Variants in PAX5 observed in about 807,000 individuals in gnomAD.
PAX5 encodes paired box 5.
PAX5 carries 9 observed loss-of-function variants against 43.7 expected under a neutral mutation model. That is an observed-to-expected ratio of 0.21 (90% CI 0.12 to 0.36). The LOEUF is 0.36. PAX5 is among the 10% of genes least tolerant of loss of function. The pLI, the probability that PAX5 is intolerant of heterozygous loss-of-function variation, is 1.00. For missense variants in PAX5, 383 were observed against 532.7 expected, an observed-to-expected ratio of 0.72 and a Z score of 2.77; for synonymous variants, 228 against 214.3, an observed-to-expected ratio of 1.06 and a Z score of -0.56.
intron 2 of PAX5, among the ~76,000 whole-genome samples, chr9:37,016,913 G>T (rs993656107): frequency 1.3e-5 from 2 of 152,150 alleles, no homozygotes; most frequent in African/African-American, 4.8e-5. Context: ...ATGTGAAAGT[G>T]AAATGTCTGT....
In PAX5 at chr9:36,840,515, C is replaced by T; in HGVS notation, c.*45G>A. The T allele has an allele frequency of 6.5e-7, 1 of 1,550,268 alleles. No homozygotes were observed. Among genetic ancestry groups the T allele is most frequent in the Non-Finnish European group, 8.7e-7 (1 of 1,144,326 alleles). On this transcript the variant is annotated 3_prime_UTR_variant, in exon 10 of 10. Transcript: ENST00000358127. ...TCAGGAGGGCTGGGTGGCTGTCACC[C>T]TCAATAGGTGCCATCAGTGTTTGGT... is the stretch of plus-strand genomic sequence containing the variant.
intron 5 of PAX5, among the ~76,000 whole-genome samples, chr9:37,000,304 G>A (rs904891381): frequency 6.6e-6 from 1 of 152,286 alleles, no homozygotes; most frequent in South Asian, 2.1e-4. Context: ...GGGAGGCTCT[G>A]GTTGATTGGG....
chr9:36,990,757 T>G (rs1836863250), intron 5 of PAX5, among the ~76,000 whole-genome samples: 2 of 152,246 alleles, frequency 1.3e-5, no homozygotes, highest in South Asian at 4.1e-4. Flanking sequence ...TGGTGACATG[T>G]AGAGGCACAA....
chr9:36,964,834 C>T (rs1301761788), intron 6 of PAX5, among the ~76,000 whole-genome samples: 1 of 152,100 alleles, frequency 6.6e-6, no homozygotes, highest in Non-Finnish European at 1.5e-5. Flanking sequence ...ATGCCCAGCA[C>T]CATAACCATG....
intron 8 of PAX5, among the ~76,000 whole-genome samples, chr9:36,856,041 T>C (rs1407119771): frequency 6.6e-6 from 1 of 152,186 alleles, no homozygotes; most frequent in Non-Finnish European, 1.5e-5. Flanking sequence ...CTGTCTTGTT[T>C]CCCCTGCTGT....
intron 7 of PAX5, among the ~76,000 whole-genome samples, chr9:36,891,920 T>G (rs1402344594): frequency 6.6e-6 from 1 of 152,184 alleles, no homozygotes; most frequent in Non-Finnish European, 1.5e-5. Context: ...TTCCTCTGAA[T>G]TGACCGCACC....
chr9:37,027,443 G>T (rs1840513329), intron 1 of PAX5, among the ~76,000 whole-genome samples: 1 of 152,226 alleles, frequency 6.6e-6, no homozygotes, highest in Non-Finnish European at 1.5e-5. Flanking sequence ...TCCCTCGTGG[G>T]TCTGATTCCA....
At chr9:36,861,868 T>A (rs73648152) in intron 8 of PAX5, among the ~76,000 whole-genome samples, 1,535 of 152,192 alleles carry the variant, frequency 0.01, 27 homozygotes, top group African/African-American at 0.035. Context: ...CACGTTGTTG[T>A]GAATAGACTA....
At chr9:37,026,126 C>T (rs1290627854) in intron 1 of PAX5, among the ~76,000 whole-genome samples, 1 of 152,252 alleles carries the variant, frequency 6.6e-6, no homozygotes, top group Non-Finnish European at 1.5e-5. Context: ...GGATCAGCCC[C>T]ATGGCTGAAA....
At chr9:36,900,570 C>A (rs1828288114) in intron 7 of PAX5, among the ~76,000 whole-genome samples, 2 of 152,182 alleles carry the variant, frequency 1.3e-5, no homozygotes, top group African/African-American at 2.4e-5. Flanking sequence ...ACTGCTACAG[C>A]CTCCAAGATG....
intron 7 of PAX5, among the ~76,000 whole-genome samples, chr9:36,887,514 A>C (rs1374418805): frequency 6.6e-6 from 1 of 152,204 alleles, no homozygotes; most frequent in Non-Finnish European, 1.5e-5. Context: ...CTGAGAAATA[A>C]ATGTAAAAAA....
chr9:36,889,320 G>A (rs1827172211), intron 7 of PAX5, among the ~76,000 whole-genome samples: 1 of 152,192 alleles, frequency 6.6e-6, no homozygotes. Flanking sequence ...ATGTACCCAA[G>A]GTTGCACGGC....
chr9:37,023,479 A>C (rs1353592541), intron 1 of PAX5, among the ~76,000 whole-genome samples: 1 of 152,192 alleles, frequency 6.6e-6, no homozygotes, highest in African/African-American at 2.4e-5. Context: ...GAAGACCAGG[A>C]AACAGACCCA....
In PAX5 at chr9:36,840,554, C is replaced by T. The variant is rs550791491; in HGVS notation, c.*6G>A. On this transcript the variant is annotated 3_prime_UTR_variant, in exon 10 of 10. Coordinates refer to ENST00000358127, the MANE Select transcript of PAX5 (RefSeq NM_016734.3). ...TCAGTGTTTGGTGCCCGCCTGGCTC[C>T]AAGGGTCAGTGACGGTCATAGGCAG... 9 of 1,582,658 alleles carry T rather than the reference C, an allele frequency of 5.7e-6. No individual in the cohort carries two copies. In the South Asian group the frequency reaches 7.0e-5, roughly 12 times the overall value.
chr9:36,935,736 T>A lies in PAX5; in HGVS notation c.781-12252A>T, dbSNP rs546451436. 2.0e-5 allele frequency among the ~76,000 whole-genome samples: 3 copies of A among 152,338 alleles called. No homozygotes were observed. The South Asian group carries it at 6.2e-4, about 32-fold the overall frequency. On this transcript the variant is annotated intron_variant, in intron 6 of 9. Transcript: ENST00000358127. ...GCTGATCTTTACCTGGCACTTGAAATCCACCAAATGGGTATCTCCAGTGAT... is the reference window on the plus strand; with the variant it reads ...GCTGATCTTTACCTGGCACTTGAAAACCACCAAATGGGTATCTCCAGTGAT...
intron 7 of PAX5, among the ~76,000 whole-genome samples, chr9:36,904,008 C>T (rs1244541102): frequency 6.6e-6 from 1 of 152,220 alleles, no homozygotes; most frequent in Non-Finnish European, 1.5e-5. Flanking sequence ...ACACCACTTA[C>T]AAGCTGTGTG....
intron 2 of PAX5, among the ~76,000 whole-genome samples, chr9:37,018,720 G>C (rs909181826): frequency 2.0e-5 from 3 of 152,112 alleles, no homozygotes; most frequent in African/African-American, 7.2e-5. Context: ...AAAATAATGA[G>C]CTATGAAATT....
At chr9:37,033,882 A>G in intron 1 of PAX5, 104 bp downstream of exon 1, 2 of 963,864 alleles carry the variant, frequency 2.1e-6, no homozygotes, top group Non-Finnish European at 3.3e-6. Context: ...AGTCTCTACG[A>G]AAATGCGGCG....
At chr9:36,944,561 G>C (rs541489106) in intron 6 of PAX5, among the ~76,000 whole-genome samples, 4 of 152,152 alleles carry the variant, frequency 2.6e-5, no homozygotes, top group Non-Finnish European at 5.9e-5. Flanking sequence ...AAGGGAAGCT[G>C]GTTCACGACC....
Sources: allele counts gnomAD v4.1 joint callset (sites outside exome capture counted in the v4.1 genomes callset), GRCh38; gene constraint gnomAD v4.1.1; transcripts MANE v1.5; gene names NCBI Gene and HGNC (gene_info 2026-07-23, HGNC 2026-07-21).